ERI3: variants seen among roughly 807,000 people sequenced by gnomAD.
ERI3 encodes the protein ERI1 exoribonuclease family member 3, also known as ERI1 exoribonuclease 3.
A neutral mutation model predicts 44.4 loss-of-function variants in ERI3; 18 were observed. The ratio of observed to expected loss-of-function variants is 0.41; its 90% CI spans 0.28 to 0.60. ERI3 has a LOEUF of 0.60. ERI3 is among the 20% of genes least tolerant of loss of function. ERI3 has a pLI of 0.36. For synonymous variants in ERI3, 183 were observed against 164.8 expected, an observed-to-expected ratio of 1.11 and a Z score of -0.84; for missense variants, 294 against 435.5, an observed-to-expected ratio of 0.68 and a Z score of 2.89.
At chr1:44,290,891 T>C (rs1645492908) in intron 6 of ERI3, among the ~76,000 whole-genome samples, 1 of 152,080 alleles carries the variant, frequency 6.6e-6, no homozygotes, top group African/African-American at 2.4e-5. Context: ...AGGTAAAATA[T>C]GACCAAGGGG....
chr1:44,287,820 A>T (rs1645425245), intron 6 of ERI3, among the ~76,000 whole-genome samples: 1 of 152,230 alleles, frequency 6.6e-6, no homozygotes. Flanking sequence ...GAAAAATCAC[A>T]TTAAGGTCTA....
chr1:44,310,977 A>G (rs867343762), intron 5 of ERI3, among the ~76,000 whole-genome samples: 17,246 of 116,262 alleles, frequency 0.15, 1,474 homozygotes, highest in Non-Finnish European at 0.17. Context: ...ACACACACAC[A>G]CACACACACA....
At chr1:44,352,590 T>C (rs952993425) in intron 2 of ERI3, among the ~76,000 whole-genome samples, 1 of 152,244 alleles carries the variant, frequency 6.6e-6, no homozygotes, top group East Asian at 1.9e-4. Context: ...GAGATGCCCA[T>C]AAAGCAGTTG....
Position 44,241,364 on chromosome 1 carries a change from C to G in ERI3, c.931+6575G>C, listed in dbSNP as rs1404619450. Among the ~76,000 whole-genome samples the G allele has an allele frequency of 6.6e-6, 1 of 152,088 alleles. No individual in the cohort carries two copies. Among genetic ancestry groups the G allele is most frequent in the Non-Finnish European group, 1.5e-5 (1 of 68,016 alleles). On this transcript the variant is annotated intron_variant, in intron 8 of 8. Transcript: ENST00000372257. The surrounding 1 kb of genome is among the most constrained non-coding windows in gnomAD (Gnocchi z 5.6). ...GGAATCCAATGCAGTCCCTTATCTG[C>G]CCTGTCAATCACTCAATCACCGCCC...
At chr1:44,327,826 A>T (rs1332041936) in intron 3 of ERI3, among the ~76,000 whole-genome samples, 2 of 152,250 alleles carry the variant, frequency 1.3e-5, no homozygotes, top group Non-Finnish European at 2.9e-5. Flanking sequence ...AAGATGAATC[A>T]GAGGCTTGGT....
intron 6 of ERI3, among the ~76,000 whole-genome samples, chr1:44,290,352 C>G (rs1307984210): frequency 6.6e-6 from 1 of 152,212 alleles, no homozygotes; most frequent in African/African-American, 2.4e-5. Flanking sequence ...CAGTAGAAGC[C>G]AACCAACCAG....
At chr1:44,224,435 A>G (rs1354113449) in intron 8 of ERI3, among the ~76,000 whole-genome samples, 3 of 152,250 alleles carry the variant, frequency 2.0e-5, no homozygotes, top group African/African-American at 4.8e-5. Context: ...TTTTGGAGCC[A>G]GAAAGACATG....
At chr1:44,264,551 C>T (rs1476867695) in intron 7 of ERI3, among the ~76,000 whole-genome samples, 3 of 152,366 alleles carry the variant, frequency 2.0e-5, no homozygotes, top group Admixed American at 6.5e-5. Flanking sequence ...GGCTGGACGG[C>T]GCGTGCATAG....
chr1:44,295,849 T>C (rs990296293), intron 6 of ERI3, among the ~76,000 whole-genome samples: 10 of 152,140 alleles, frequency 6.6e-5, no homozygotes, highest in South Asian at 2.1e-4. Flanking sequence ...CATGGGAACA[T>C]AGGATGATGT....
At chr1:44,242,237 C>T (rs1644454435) in intron 8 of ERI3, among the ~76,000 whole-genome samples, 1 of 152,234 alleles carries the variant, frequency 6.6e-6, no homozygotes, top group African/African-American at 2.4e-5. Flanking sequence ...GGGCTGACTC[C>T]TCCCCTCCCA....
At chr1:44,283,811 T>G (rs919441322) in intron 7 of ERI3, among the ~76,000 whole-genome samples, 1 of 152,148 alleles carries the variant, frequency 6.6e-6, no homozygotes, top group Non-Finnish European at 1.5e-5. Context: ...TTTGCTTAGC[T>G]CCAGCCCCCA....
intron 6 of ERI3, among the ~76,000 whole-genome samples, chr1:44,289,998 C>T (rs1050937424): frequency 1.3e-5 from 2 of 152,242 alleles, no homozygotes; most frequent in African/African-American, 4.8e-5. Flanking sequence ...GCTTTCATCT[C>T]TTTAAGACTT....
chr1:44,305,919 A>C (rs1347330456), intron 6 of ERI3, among the ~76,000 whole-genome samples: 1 of 152,200 alleles, frequency 6.6e-6, no homozygotes, highest in Non-Finnish European at 1.5e-5. Context: ...TGTCAATTTA[A>C]CACCACCCTT....
rs577981899 is a variant in ERI3, at chr1:44,235,390, C to T, written c.931+12549G>A. ...TCCTCTAGGTGCCTTCCCCCCATCCCGCCTTTGTGTTAGGAACCTCTTCTG... is the reference window on the plus strand; with the variant it reads ...TCCTCTAGGTGCCTTCCCCCCATCCTGCCTTTGTGTTAGGAACCTCTTCTG... On this transcript the variant is annotated intron_variant, in intron 8 of 8. Transcript: ENST00000372257. The surrounding 1 kb of genome is among the most constrained non-coding windows in gnomAD (Gnocchi z 4.6). Among the ~76,000 whole-genome samples the T allele has an allele frequency of 2.6e-5, 4 of 152,264 alleles. No individual in the cohort carries two copies. In the South Asian group the frequency reaches 8.3e-4, roughly 32 times the overall value.
chr1:44,256,102 T>G (rs1572125469), intron 7 of ERI3, among the ~76,000 whole-genome samples: 1 of 151,922 alleles, frequency 6.6e-6, no homozygotes, highest in East Asian at 1.9e-4. Context: ...CTCTGAGTGG[T>G]CTCCACTGAG....
At chr1:44,262,177 C>A (rs1370358861) in intron 7 of ERI3, among the ~76,000 whole-genome samples, 1 of 152,118 alleles carries the variant, frequency 6.6e-6, no homozygotes, top group Non-Finnish European at 1.5e-5. Flanking sequence ...AGGACAATAA[C>A]CCCCACTGGG....
intron 8 of ERI3, among the ~76,000 whole-genome samples, chr1:44,231,412 C>G (rs556035740): frequency 6.6e-6 from 1 of 152,252 alleles, no homozygotes; most frequent in African/African-American, 2.4e-5. Context: ...CCTACTCTGT[C>G]ACCCAGGCAG....
At chr1:44,224,356 C>G (rs79430309) in intron 8 of ERI3, among the ~76,000 whole-genome samples, 4,932 of 152,324 alleles carry the variant, frequency 0.032, 101 homozygotes, top group Middle Eastern at 0.044. Flanking sequence ...CTCTGCCATG[C>G]TCAACCCTCA....
chr1:44,326,267 T>A (rs760308507), intron 3 of ERI3, among the ~76,000 whole-genome samples: 21 of 152,142 alleles, frequency 1.4e-4, no homozygotes, highest in Non-Finnish European at 2.8e-4. Context: ...ATATTTAGTT[T>A]TGGATAAAAG....
Sources: allele counts gnomAD v4.1 joint callset (sites outside exome capture counted in the v4.1 genomes callset), GRCh38; gene constraint gnomAD v4.1.1; non-coding constraint Gnocchi (gnomAD v3.1); transcripts MANE v1.5; gene names NCBI Gene and HGNC (gene_info 2026-07-23, HGNC 2026-07-21).